The following COMMD7 variants were observed in gnomAD, a reference collection of about 807,000 sequenced individuals.
COMMD7 encodes the protein COMM domain containing 7, also known as COMM domain-containing protein 7.
A neutral mutation model predicts 34.8 loss-of-function variants in COMMD7; 28 were observed. That is an observed-to-expected ratio of 0.80 (90% CI 0.60 to 1.10). The LOEUF (loss-of-function observed/expected upper bound fraction) is 1.10, where lower values mean the gene tolerates loss of function less well. Among genes scored for constraint, COMMD7 ranks in the 50% least tolerant of loss-of-function variants. The pLI, the probability that COMMD7 is intolerant of heterozygous loss-of-function variation, is 0.00. For missense variants in COMMD7, 211 were observed against 241.6 expected (o/e 0.87, Z 0.84); for synonymous variants, 80 against 86.4 (o/e 0.93, Z 0.41).
intron 5 of COMMD7, among the ~76,000 whole-genome samples, chr20:32,705,317 TATATATACATAC>T (rs1321309369): frequency 1.4e-5 from 2 of 146,754 alleles, no homozygotes; most frequent in Non-Finnish European, 3.0e-5. Flanking sequence ...TATATGTGTA[TATATATACATAC>T]ATATATATGT....
chr20:32,726,369 C>T (rs1985513715), intron 3 of COMMD7, among the ~76,000 whole-genome samples: 1 of 151,978 alleles, frequency 6.6e-6, no homozygotes, highest in Non-Finnish European at 1.5e-5. Flanking sequence ...GCACTCCAGC[C>T]TAGGTGACAG....
chr20:32,733,799 T>G (rs1601003588), intron 1 of COMMD7, among the ~76,000 whole-genome samples: 2 of 140,066 alleles, frequency 1.4e-5, no homozygotes, highest in African/African-American at 5.4e-5. Context: ...GCAGGAGAAT[T>G]GCTTGAACCT....
intron 1 of COMMD7, among the ~76,000 whole-genome samples, chr20:32,741,838 C>A (rs1457100321): frequency 6.6e-6 from 1 of 152,134 alleles, no homozygotes; most frequent in Non-Finnish European, 1.5e-5. Context: ...ATGCGCTATA[C>A]CATATATCCT....
At chr20:32,715,358 T>C (rs1056286270) in intron 3 of COMMD7, among the ~76,000 whole-genome samples, 35 of 134,314 alleles carry the variant, frequency 2.6e-4, no homozygotes, top group South Asian at 1.4e-3. Context: ...TGGCATGCAC[T>C]TGTGGTCCCA....
chr20:32,707,091 G>A (rs1984130670), intron 3 of COMMD7, among the ~76,000 whole-genome samples: 1 of 145,222 alleles, frequency 6.9e-6, no homozygotes, highest in South Asian at 2.3e-4. Flanking sequence ...GGCTAACATG[G>A]TGAAACCCTG....
chr20:32,733,307 G>A (rs569722083), intron 1 of COMMD7, among the ~76,000 whole-genome samples: 16 of 151,870 alleles, frequency 1.1e-4, no homozygotes, highest in Non-Finnish European at 1.8e-4. Flanking sequence ...CAGGCCACGC[G>A]CGGTGGCTCA....
At chr20:32,707,240 C>T (rs1341428731) in intron 3 of COMMD7, among the ~76,000 whole-genome samples, 4 of 144,714 alleles carry the variant, frequency 2.8e-5, no homozygotes, top group South Asian at 2.3e-4. Flanking sequence ...GCCGAGATCA[C>T]GCCACTGCAC....
chr20:32,716,094 C>T (rs1252390996), intron 3 of COMMD7, among the ~76,000 whole-genome samples: 1 of 152,080 alleles, frequency 6.6e-6, no homozygotes, highest in Non-Finnish European at 1.5e-5. Context: ...CACAGAAGGG[C>T]CACCCAGCAG....
At chr20:32,732,500 C>T (rs1038517472) in intron 1 of COMMD7, among the ~76,000 whole-genome samples, 9 of 152,142 alleles carry the variant, frequency 5.9e-5, no homozygotes, top group South Asian at 2.1e-4. Flanking sequence ...GTCACAGTGG[C>T]TCATGCCTGT....
intron 1 of COMMD7, among the ~76,000 whole-genome samples, chr20:32,741,002 G>A (rs1328852653): frequency 6.6e-6 from 1 of 151,926 alleles, no homozygotes; most frequent in African/African-American, 2.4e-5. Context: ...AATTAGCCAG[G>A]CATGGTGGTG....
At chr20:32,720,859 A>G (rs1275315348) in intron 3 of COMMD7, among the ~76,000 whole-genome samples, 1 of 152,154 alleles carries the variant, frequency 6.6e-6, no homozygotes, top group Admixed American at 6.6e-5. Flanking sequence ...CATCTCCTAA[A>G]TTCTATTCAA....
intron 1 of COMMD7, among the ~76,000 whole-genome samples, chr20:32,738,181 A>G (rs961435460): frequency 3.3e-5 from 5 of 152,132 alleles, no homozygotes; most frequent in African/African-American, 1.2e-4. Context: ...GCTGGAGTGC[A>G]ATGCCATGGT....
At position 32,723,131 on chromosome 20, in the gene COMMD7, T is replaced by C. The variant is rs1377863548; in HGVS notation, c.241+4762A>G. On this transcript the variant is annotated intron_variant, in intron 3 of 8. Coordinates refer to ENST00000278980, the MANE Select transcript of COMMD7 (RefSeq NM_053041.3). ...CCCTCTCCCTCTCCCTCTCCCTCCC[T>C]CTCCGTCTCCGTCTCCGTCTCCGTC... 3.3e-3 allele frequency among the ~76,000 whole-genome samples: 91 copies of C among 27,326 alleles called. 3 individuals are homozygous for C. Among genetic ancestry groups the C allele is most frequent in the African/African-American group, 0.013 (88 of 6,932 alleles). The allele number at this position is 27,326 out of a possible 152,430, so 17.9% of individuals were successfully genotyped here. A position where few individuals can be genotyped will look rare whatever the true frequency, so the allele number is the denominator to read the frequency against.
Position 32,707,055 on chromosome 20 carries a change from C to T in COMMD7, c.242-295G>A, listed in dbSNP as rs549859618. ...TTGGGAGGCCGAGGCAGGTGGATCA[C>T]GACATCAGGAGATCGAGACCATCCT... On this transcript the variant is annotated intron_variant, in intron 3 of 8. Coordinates refer to ENST00000278980, the MANE Select transcript of COMMD7 (RefSeq NM_053041.3). 5.9e-3 allele frequency among the ~76,000 whole-genome samples: 878 copies of T among 149,410 alleles called. 8 individuals carry two copies. The highest frequency in any genetic ancestry group is 0.041 in the Middle Eastern group (12 of 290).
intron 3 of COMMD7, among the ~76,000 whole-genome samples, chr20:32,711,390 C>CT (rs1191909223): frequency 2.4e-5 from 3 of 123,138 alleles, no homozygotes; most frequent in African/African-American, 9.4e-5. Context: ...GAGTGAGACT[C>CT]TGTCTAAAAA....
At chr20:32,718,459 G>A (rs1568781715) in intron 3 of COMMD7, among the ~76,000 whole-genome samples, 1 of 151,610 alleles carries the variant, frequency 6.6e-6, no homozygotes, top group Admixed American at 6.6e-5. Flanking sequence ...AGCACTTTGA[G>A]AGGCCAAGGC....
intron 3 of COMMD7, among the ~76,000 whole-genome samples, chr20:32,725,382 TAA>T (rs1301598911): frequency 6.6e-6 from 1 of 150,900 alleles, no homozygotes; most frequent in Non-Finnish European, 1.5e-5. Flanking sequence ...AGGAGGAGAG[TAA>T]AAGAGGATTT....
At chr20:32,736,533 G>A (rs548502120) in intron 1 of COMMD7, among the ~76,000 whole-genome samples, 43 of 151,868 alleles carry the variant, frequency 2.8e-4, no homozygotes, top group African/African-American at 8.9e-4. Flanking sequence ...AGCCAGGCAT[G>A]GTGGCACATG....
chr20:32,727,758 A>G (rs1048317845), intron 3 of COMMD7, 135 bp downstream of exon 3: 3 of 701,932 alleles, frequency 4.3e-6, no homozygotes, highest in Non-Finnish European at 7.6e-6. Context: ...CCCTCCAGAG[A>G]CAGAGTCCCA....
Sources: allele counts gnomAD v4.1 joint callset (sites outside exome capture counted in the v4.1 genomes callset), GRCh38; gene constraint gnomAD v4.1.1; transcripts MANE v1.5; gene names NCBI Gene and HGNC (gene_info 2026-07-23, HGNC 2026-07-21).